Variants in PTPRD observed in about 807,000 individuals in gnomAD.
The protein encoded by PTPRD is protein tyrosine phosphatase receptor type D.
PTPRD carries 34 observed loss-of-function variants against 214.5 expected under a neutral mutation model. The observed-to-expected ratio is 0.16, with a 90% CI of 0.12 to 0.21. The LOEUF (loss-of-function observed/expected upper bound fraction) is 0.21. PTPRD is among the 10% of genes least tolerant of loss of function. The pLI is 1.00. For synonymous variants in PTPRD, 1,128 were observed against 845.7 expected, an observed-to-expected ratio of 1.33 and a Z score of -5.79; for missense variants, 2,545 against 2,398.7, an observed-to-expected ratio of 1.06 and a Z score of -1.27.
Position 9,783,757 on chromosome 9 carries a change from G to C in PTPRD, c.-367-16906C>G, listed in dbSNP as rs540018935. On this transcript the variant is annotated intron_variant, in intron 5 of 45. Coordinates refer to ENST00000381196, the MANE Select transcript of PTPRD (RefSeq NM_002839.4). ...GCCAAAGATTAGAAAGCAATCAAGT[G>C]ATTTTTCACCACCTTTATCCCAGGC... Among the ~76,000 whole-genome samples the C allele has an allele frequency of 2.5e-4, 38 of 149,532 alleles. No homozygotes were observed. In the South Asian group the frequency reaches 3.4e-3, roughly 13 times the overall value.
chr9:8,600,698 C>T (rs2094803542), intron 14 of PTPRD, among the ~76,000 whole-genome samples: 1 of 151,684 alleles, frequency 6.6e-6, no homozygotes. Context: ...AGGACCCAGT[C>T]CAGGCAGAAT....
intron 8 of PTPRD, among the ~76,000 whole-genome samples, chr9:9,487,533 G>A (rs1449213875): frequency 6.6e-6 from 1 of 150,782 alleles, no homozygotes; most frequent in African/African-American, 2.4e-5. Context: ...ATGTGCATGT[G>A]TCTTTATAGC....
intron 2 of PTPRD, among the ~76,000 whole-genome samples, chr9:10,372,107 G>C (rs139315947): frequency 6.6e-6 from 1 of 152,132 alleles, no homozygotes; most frequent in East Asian, 1.9e-4. Flanking sequence ...GCTGAAAATA[G>C]AAAGAAAGAA....
rs1027802566 is a variant in PTPRD at position 9,831,341 on chromosome 9, C to G, written c.-367-64490G>C. The stretch of plus-strand genomic sequence containing the variant: ...GGCTGAGGTAACCAAAATACAAAAG[C>G]AAAATTAAATCCTATTACTTATGAT... On this transcript the variant is annotated intron_variant, in intron 5 of 45. Coordinates refer to ENST00000381196, the MANE Select transcript of PTPRD (RefSeq NM_002839.4). Among the ~76,000 whole-genome samples, 5 of 151,868 alleles carry G rather than the reference C, an allele frequency of 3.3e-5. 1 individual carries two copies. Among genetic ancestry groups the G allele is most frequent in the African/African-American group, 1.2e-4 (5 of 41,382 alleles).
At chr9:9,715,806 C>A (rs1169546214) in intron 7 of PTPRD, among the ~76,000 whole-genome samples, 3 of 152,118 alleles carry the variant, frequency 2.0e-5, no homozygotes, top group East Asian at 1.9e-4. Context: ...ATAATTCTAA[C>A]ACGGACCCCT....
chr9:10,446,304 G>A (rs2098798741), intron 2 of PTPRD, among the ~76,000 whole-genome samples: 1 of 151,628 alleles, frequency 6.6e-6, no homozygotes, highest in African/African-American at 2.4e-5. Flanking sequence ...GAGTAGGAAA[G>A]GTCTGAAACT....
chr9:10,391,207 G>C (rs991355686), intron 2 of PTPRD, among the ~76,000 whole-genome samples: 2 of 151,796 alleles, frequency 1.3e-5, no homozygotes, highest in Non-Finnish European at 2.9e-5. Flanking sequence ...ATGGAAGGCA[G>C]AGAGAACAAA....
At chr9:9,321,023 T>C (rs1966202618) in intron 9 of PTPRD, among the ~76,000 whole-genome samples, 3 of 152,140 alleles carry the variant, frequency 2.0e-5, no homozygotes, top group African/African-American at 4.8e-5. Context: ...GTTCAAGAAA[T>C]AGAAGCCAAT....
intron 14 of PTPRD, among the ~76,000 whole-genome samples, chr9:8,542,629 G>C (rs1167281274): frequency 1.2e-4 from 18 of 152,212 alleles, no homozygotes; most frequent in Admixed American, 1.2e-3. Context: ...CTCACCAATA[G>C]AGCTGCCCCT....
At chr9:9,539,984 T>G (rs2077256460) in intron 8 of PTPRD, among the ~76,000 whole-genome samples, 1 of 151,856 alleles carries the variant, frequency 6.6e-6, no homozygotes, top group Admixed American at 6.6e-5. Flanking sequence ...TTGAATAATT[T>G]TATCCCATTT....
chr9:8,745,862 A>G (rs998235307), intron 11 of PTPRD, among the ~76,000 whole-genome samples: 4 of 151,640 alleles, frequency 2.6e-5, no homozygotes, highest in African/African-American at 9.7e-5. Context: ...CAGTGGCACA[A>G]TCACAGGTCA....
At chr9:9,769,100 C>T (rs1484290452) in intron 5 of PTPRD, among the ~76,000 whole-genome samples, 6 of 151,098 alleles carry the variant, frequency 4.0e-5, no homozygotes, top group Admixed American at 4.0e-4. Context: ...AATAAGACTT[C>T]AGAAGACAAA....
intron 2 of PTPRD, among the ~76,000 whole-genome samples, chr9:10,500,647 C>A (rs894718132): frequency 3.3e-5 from 5 of 151,726 alleles, no homozygotes; most frequent in African/African-American, 1.2e-4. Flanking sequence ...ATCTTTTCAT[C>A]CTTTCTAGTT....
intron 11 of PTPRD, among the ~76,000 whole-genome samples, chr9:8,805,181 A>C (rs59082546): frequency 2.0e-5 from 3 of 152,156 alleles, no homozygotes; most frequent in East Asian, 1.9e-4. Flanking sequence ...TTGTGGGCCT[A>C]GCCCCACTTA....
At chr9:9,365,583 G>C (rs568200013) in intron 9 of PTPRD, among the ~76,000 whole-genome samples, 165 of 151,506 alleles carry the variant, frequency 1.1e-3, no homozygotes, top group African/African-American at 3.8e-3. Flanking sequence ...CAACTAAATG[G>C]ACAGCTGTTC....
intron 3 of PTPRD, among the ~76,000 whole-genome samples, chr9:10,191,857 C>T (rs1006416941): frequency 1.3e-5 from 2 of 152,234 alleles, no homozygotes; most frequent in Non-Finnish European, 2.9e-5. Flanking sequence ...TATATGACTT[C>T]GTCAAAACTA....
At chr9:9,528,031 A>G (rs571034250) in intron 8 of PTPRD, among the ~76,000 whole-genome samples, 28 of 152,348 alleles carry the variant, frequency 1.8e-4, no homozygotes, top group African/African-American at 6.7e-4. Context: ...AATTGCCTAT[A>G]GGGCATTTCT....
At chr9:10,125,463 T>TTAC (rs1445499759) in intron 3 of PTPRD, among the ~76,000 whole-genome samples, 1 of 142,190 alleles carries the variant, frequency 7.0e-6, no homozygotes, top group African/African-American at 2.6e-5. Flanking sequence ...ATTATTATTA[T>TTAC]TATTATTTTG....
chr9:10,245,698 CCTT>C (rs1323901911), intron 3 of PTPRD, among the ~76,000 whole-genome samples: 1 of 152,092 alleles, frequency 6.6e-6, no homozygotes, highest in Admixed American at 6.6e-5. Context: ...AAGAAACTGT[CCTT>C]CTACTGAAGG....
Sources: allele counts gnomAD v4.1 joint callset (sites outside exome capture counted in the v4.1 genomes callset), GRCh38; gene constraint gnomAD v4.1.1; transcripts MANE v1.5; gene names NCBI Gene and HGNC (gene_info 2026-07-23, HGNC 2026-07-21).